TMEM108: variants seen among roughly 807,000 people sequenced by gnomAD.
TMEM108 encodes transmembrane protein 108.
In TMEM108, 12 loss-of-function variants were observed where a neutral mutation model predicts 35.1. The observed-to-expected ratio is 0.34, with a 90% CI of 0.22 to 0.55. The LOEUF is 0.55. Ranked by LOEUF, TMEM108 falls within the 20% of genes least tolerant of loss-of-function variation. The probability of loss-of-function intolerance (pLI) is 0.89; values close to 1 mark genes in which losing one functional copy is unlikely to be tolerated. For missense variants in TMEM108, 680 were observed against 753.3 expected, an observed-to-expected ratio of 0.90 and a Z score of 1.14; for synonymous variants, 287 against 308.6, an observed-to-expected ratio of 0.93 and a Z score of 0.73.
At chr3:133,266,169 A>G (rs564084245) in intron 3 of TMEM108, among the ~76,000 whole-genome samples, 9 of 152,178 alleles carry the variant, frequency 5.9e-5, no homozygotes, top group South Asian at 4.1e-4. Context: ...CAGCCTTATC[A>G]TCACTTGTGG....
intron 3 of TMEM108, among the ~76,000 whole-genome samples, chr3:133,293,475 G>C (rs186844804): frequency 6.6e-6 from 1 of 151,610 alleles, no homozygotes; most frequent in Non-Finnish European, 1.5e-5. Context: ...TTTGGACACT[G>C]TCCAGTATTG....
chr3:133,317,551 C>A (rs922398976), intron 3 of TMEM108, among the ~76,000 whole-genome samples: 1 of 152,150 alleles, frequency 6.6e-6, no homozygotes, highest in Non-Finnish European at 1.5e-5. Flanking sequence ...GGAACATAAA[C>A]ACCAGACCTA....
At chr3:133,133,845 AC>A (rs1305993385) in intron 2 of TMEM108, among the ~76,000 whole-genome samples, 2 of 150,928 alleles carry the variant, frequency 1.3e-5, no homozygotes, top group South Asian at 2.1e-4. Context: ...CTCACTGCAA[AC>A]TCTGCCTCCC....
At chr3:133,157,917 A>G (rs767146809) in intron 2 of TMEM108, among the ~76,000 whole-genome samples, 7 of 152,198 alleles carry the variant, frequency 4.6e-5, no homozygotes, top group Non-Finnish European at 7.3e-5. Context: ...GGTTAGTGCT[A>G]GCACTGCAGA....
chr3:133,100,303 G>T (rs1944071087), intron 2 of TMEM108, among the ~76,000 whole-genome samples: 1 of 152,186 alleles, frequency 6.6e-6, no homozygotes, highest in South Asian at 2.1e-4. Flanking sequence ...GTTGAGATTT[G>T]GGTGGGGACA....
At chr3:133,340,293 G>A (rs1251298683) in intron 3 of TMEM108, among the ~76,000 whole-genome samples, 3 of 151,682 alleles carry the variant, frequency 2.0e-5, no homozygotes, top group Admixed American at 1.3e-4. Flanking sequence ...ATCATTAGTG[G>A]CTATCGTGAG....
chr3:133,266,273 A>G (rs1016467783), intron 3 of TMEM108, among the ~76,000 whole-genome samples: 1 of 152,172 alleles, frequency 6.6e-6, no homozygotes, highest in African/African-American at 2.4e-5. Flanking sequence ...CATAGATTAG[A>G]TATCAAATTC....
intron 2 of TMEM108, among the ~76,000 whole-genome samples, chr3:133,171,833 G>A (rs4854697): frequency 0.52 from 79,161 of 151,972 alleles, 21,512 homozygotes; most frequent in East Asian, 0.87. Flanking sequence ...AATGAGCCAA[G>A]CATACATCAC....
At chr3:133,135,440 T>G (rs1237982615) in intron 2 of TMEM108, among the ~76,000 whole-genome samples, 3 of 152,224 alleles carry the variant, frequency 2.0e-5, no homozygotes, top group African/African-American at 7.2e-5. Flanking sequence ...AGTATATTCA[T>G]GGAACATTCA....
chr3:133,378,272 A>C (rs1277231608), intron 3 of TMEM108: 1 of 926,058 alleles, frequency 1.1e-6, no homozygotes, highest in African/African-American at 1.8e-5. Context: ...ACCACACACC[A>C]AACGGTGATC....
At chr3:133,041,956 A>G (rs1943281163) in intron 1 of TMEM108, 1 of 152,206 alleles carries the variant, frequency 6.6e-6, no homozygotes, top group African/African-American at 2.4e-5. Flanking sequence ...ATAGGTCAAA[A>G]CAATTCTTAA....
At chr3:133,175,132 A>C (rs1397998771) in intron 2 of TMEM108, among the ~76,000 whole-genome samples, 2 of 152,226 alleles carry the variant, frequency 1.3e-5, no homozygotes, top group African/African-American at 4.8e-5. Context: ...GAGAAAAAAG[A>C]GTAAAAAGAA....
At chr3:133,302,415 C>CTTTTTTTTTTTTTTT (rs927704510) in intron 3 of TMEM108, among the ~76,000 whole-genome samples, 37 of 110,096 alleles carry the variant, frequency 3.4e-4, no homozygotes, top group African/African-American at 6.0e-4. Flanking sequence ...TTCTTTCTTT[C>CTTTTTTTTTTTTTTT]TTTTTTTTTT....
At position 133,395,850 on chromosome 3, in the gene TMEM108, C is replaced by T. The variant is rs1291436762; in HGVS notation, c.1606-14C>T. On this transcript the variant is annotated splice_polypyrimidine_tract_variant and intron_variant, in intron 5 of 5. Transcript: ENST00000321871. ...TTCTCCAGCTCACTCCATCTCCTCC[C>T]TCTCTCTTCCCAGGACCAGCTCTCA... The T allele has an allele frequency of 1.3e-6, 2 of 1,569,010 alleles. No homozygotes were observed. Among genetic ancestry groups the T allele is most frequent in the East Asian group, 2.4e-5 (1 of 42,324 alleles).
At chr3:133,058,349 C>G (rs923514671) in intron 2 of TMEM108, among the ~76,000 whole-genome samples, 5 of 152,244 alleles carry the variant, frequency 3.3e-5, no homozygotes, top group Non-Finnish European at 5.9e-5. Flanking sequence ...GAAGGATTGA[C>G]AGCACCTCTA....
chr3:133,128,966 G>A (rs943294332), intron 2 of TMEM108, among the ~76,000 whole-genome samples: 1 of 152,152 alleles, frequency 6.6e-6, no homozygotes, highest in African/African-American at 2.4e-5. Flanking sequence ...TAGGTTACCT[G>A]TTAATTTTTT....
chr3:133,375,199 G>A lies in TMEM108; in HGVS notation c.41-4553G>A, dbSNP rs117715113. On this transcript the variant is annotated intron_variant, in intron 3 of 5. Coordinates refer to ENST00000321871, the MANE Select transcript of TMEM108 (RefSeq NM_023943.4). ...TGCCTTTGCCAGATGCAAATGTCAT[G>A]CCCAATATGGACTGCAGGCAGCCAA... 1.9e-4 allele frequency among the ~76,000 whole-genome samples: 29 copies of A among 152,274 alleles called. No individual in the cohort carries two copies. The East Asian group carries it at 5.4e-3, about 28-fold the overall frequency.
At chr3:133,156,064 T>TTTATTTATTTATTTATTTATTTA (rs1944876726) in intron 2 of TMEM108, among the ~76,000 whole-genome samples, 2 of 146,084 alleles carry the variant, frequency 1.4e-5, no homozygotes, top group African/African-American at 5.0e-5. Context: ...TTATTTTTTC[T>TTTATTTATTTATTTATTTATTTA]TTTATTTATT....
chr3:133,309,723 C>T (rs113401348), intron 3 of TMEM108, among the ~76,000 whole-genome samples: 5 of 86,636 alleles, frequency 5.8e-5, no homozygotes, highest in African/African-American at 2.2e-4. Context: ...TTTTTTGAGA[C>T]GGAGTCTCGC....
Sources: gnomAD v4.1 joint callset for allele counts (sites outside exome capture counted in the v4.1 genomes callset) on GRCh38, gnomAD v4.1.1 for gene constraint, MANE v1.5 for transcripts, NCBI Gene and HGNC (gene_info 2026-07-23, HGNC 2026-07-21) for gene names.